GRM7: variants seen among roughly 807,000 people sequenced by gnomAD.
The protein encoded by GRM7 is glutamate metabotropic receptor 7.
GRM7 carries 35 observed loss-of-function variants against 84.5 expected under a neutral mutation model. The ratio of observed to expected loss-of-function variants is 0.41; its 90% CI spans 0.32 to 0.55. GRM7 has a LOEUF of 0.55. Ranked by LOEUF, GRM7 falls within the 20% of genes least tolerant of loss-of-function variation. The pLI is 0.19. For synonymous variants in GRM7, 487 were observed against 455.1 expected (o/e 1.07, Z -0.89); for missense variants, 1,003 against 1,194.6 (o/e 0.84, Z 2.36).
intron 1 of GRM7, among the ~76,000 whole-genome samples, chr3:6,983,839 T>G (rs1694297998): frequency 6.6e-6 from 1 of 151,974 alleles, no homozygotes; most frequent in African/African-American, 2.4e-5. Context: ...AGTGCCAAAA[T>G]ATTAATAGAT....
chr3:7,098,158 T>G (rs6769115), intron 1 of GRM7, among the ~76,000 whole-genome samples: 2 of 152,078 alleles, frequency 1.3e-5, no homozygotes, highest in African/African-American at 4.8e-5. Flanking sequence ...TTCTGTCTTC[T>G]GATCATTCAA....
At chr3:6,896,670 T>C (rs1696193394) in intron 1 of GRM7, among the ~76,000 whole-genome samples, 1 of 152,200 alleles carries the variant, frequency 6.6e-6, no homozygotes, top group African/African-American at 2.4e-5. Context: ...CACTCACTCT[T>C]GTGTCTGGTG....
chr3:7,611,356 A>G (rs1434377402), intron 8 of GRM7, among the ~76,000 whole-genome samples: 1 of 152,144 alleles, frequency 6.6e-6, no homozygotes, highest in Non-Finnish European at 1.5e-5. Context: ...GAAACAAGGA[A>G]TTTAGGGAAG....
chr3:7,522,326 G>GGCAAC (rs3065602), intron 7 of GRM7, among the ~76,000 whole-genome samples: 2 of 152,098 alleles, frequency 1.3e-5, no homozygotes, highest in African/African-American at 4.8e-5. Context: ...ACTAAAAACA[G>GGCAAC]GAACAACAGT....
At chr3:7,050,975 T>C (rs140697270) in intron 1 of GRM7, among the ~76,000 whole-genome samples, 1 of 151,906 alleles carries the variant, frequency 6.6e-6, no homozygotes, top group African/African-American at 2.4e-5. Context: ...TCCACAGGAC[T>C]GTGAGTAACA....
intron 1 of GRM7, among the ~76,000 whole-genome samples, chr3:6,944,321 G>C (rs1434221118): frequency 1.3e-5 from 2 of 152,044 alleles, no homozygotes; most frequent in Non-Finnish European, 2.9e-5. Context: ...TTTTTTCATA[G>C]ATACCCTTTA....
At chr3:7,051,729 G>A (rs1243671992) in intron 1 of GRM7, among the ~76,000 whole-genome samples, 2 of 151,672 alleles carry the variant, frequency 1.3e-5, no homozygotes, top group African/African-American at 4.8e-5. Context: ...AACCTAAAAT[G>A]CCTTTTAAAG....
At chr3:6,901,604 T>TAAAAAAAAAAAAAAAAAAAAAAAAAAAA (rs33945077) in intron 1 of GRM7, among the ~76,000 whole-genome samples, 1 of 40,492 alleles carries the variant, frequency 2.5e-5, no homozygotes, top group East Asian at 2.3e-3. Flanking sequence ...AGACTCCGTC[T>TAAAAAAAAAAAAAAAAAAAAAAAAAAAA]AAAAAAAAAA....
At chr3:7,258,143 C>T (rs980541040) in intron 2 of GRM7, among the ~76,000 whole-genome samples, 6 of 152,176 alleles carry the variant, frequency 3.9e-5, no homozygotes, top group Admixed American at 2.0e-4. Flanking sequence ...TTAACCATCA[C>T]ACTATAGTGT....
At chr3:6,879,928 A>G (rs1349253843) in intron 1 of GRM7, among the ~76,000 whole-genome samples, 1 of 152,198 alleles carries the variant, frequency 6.6e-6, no homozygotes, top group African/African-American at 2.4e-5. Flanking sequence ...TCACTGTGTT[A>G]CAAGAGAGTT....
rs149528393 is a variant in GRM7 at position 7,133,290 on chromosome 3, C to G, written c.520-13162C>G. 7.4e-4 allele frequency among the ~76,000 whole-genome samples: 113 copies of G among 152,108 alleles called. 2 individuals carry two copies. In the South Asian group the frequency reaches 0.011, roughly 15 times the overall value. Reference sequence around the variant, plus strand: ...GACTACAGAGTGATGGTTGAGATTCCCCTTTTGCACAGACAGACCTCCGGC... The same window carrying G: ...GACTACAGAGTGATGGTTGAGATTCGCCTTTTGCACAGACAGACCTCCGGC... On this transcript the variant is annotated intron_variant, in intron 1 of 9. Coordinates refer to ENST00000357716, the MANE Select transcript of GRM7 (RefSeq NM_000844.4).
intron 1 of GRM7, among the ~76,000 whole-genome samples, chr3:7,007,903 G>C (rs1695234447): frequency 1.3e-5 from 2 of 152,176 alleles, no homozygotes; most frequent in Admixed American, 1.3e-4. Context: ...TTGACACCAG[G>C]GACATTTGGT....
At chr3:7,551,891 G>C (rs916397763) in intron 7 of GRM7, among the ~76,000 whole-genome samples, 1 of 152,172 alleles carries the variant, frequency 6.6e-6, no homozygotes, top group African/African-American at 2.4e-5. Flanking sequence ...GAGCAAGGCT[G>C]GGGAGGCTTC....
chr3:7,701,850 C>A (rs1312271591), intron 9 of GRM7, among the ~76,000 whole-genome samples: 91 of 152,288 alleles, frequency 6.0e-4, no homozygotes, highest in Non-Finnish European at 4.4e-5. Flanking sequence ...TTTTTAGACA[C>A]TAAGCTCCAT....
intron 1 of GRM7, among the ~76,000 whole-genome samples, chr3:6,876,329 G>T (rs1359293508): frequency 1.3e-5 from 2 of 151,972 alleles, no homozygotes; most frequent in Non-Finnish European, 2.9e-5. Flanking sequence ...CAGGGCCTTG[G>T]GCTTTCCTGT....
chr3:7,169,490 G>C (rs1694913719), intron 2 of GRM7, among the ~76,000 whole-genome samples: 1 of 152,138 alleles, frequency 6.6e-6, no homozygotes, highest in Admixed American at 6.5e-5. Flanking sequence ...ACACAGAAGG[G>C]ATGTGGGATA....
At chr3:6,970,428 A>G (rs960162586) in intron 1 of GRM7, among the ~76,000 whole-genome samples, 3 of 152,226 alleles carry the variant, frequency 2.0e-5, no homozygotes, top group Admixed American at 6.5e-5. Context: ...TAAGGTTGTA[A>G]TTGTTTCAAA....
intron 9 of GRM7, among the ~76,000 whole-genome samples, chr3:7,732,830 C>T (rs1476435181): frequency 5.3e-5 from 8 of 152,106 alleles, no homozygotes; most frequent in Non-Finnish European, 1.0e-4. Context: ...CAGTGCAAAG[C>T]GAAAGCAAGT....
At chr3:7,639,893 T>C (rs1402232860) in intron 8 of GRM7, among the ~76,000 whole-genome samples, 1 of 152,196 alleles carries the variant, frequency 6.6e-6, no homozygotes. Flanking sequence ...TTATTCCGAT[T>C]TGATCATCAT....
Sources: allele counts gnomAD v4.1 joint callset (sites outside exome capture counted in the v4.1 genomes callset), GRCh38; gene constraint gnomAD v4.1.1; transcripts MANE v1.5; gene names NCBI Gene and HGNC (gene_info 2026-07-23, HGNC 2026-07-21).